TRIM3: variants seen among roughly 807,000 people sequenced by gnomAD.
The protein encoded by TRIM3 is tripartite motif-containing protein 3.
In TRIM3, 13 loss-of-function variants were observed where a neutral mutation model predicts 66.6. The observed-to-expected ratio is 0.20, with a 90% confidence interval of 0.13 to 0.31. The LOEUF (loss-of-function observed/expected upper bound fraction) is 0.31, where lower values mean the gene tolerates loss of function less well. TRIM3 is among the 10% of genes least tolerant of loss of function. The pLI, the probability that TRIM3 is intolerant of heterozygous loss-of-function variation, is 1.00. For synonymous variants in TRIM3, 406 were observed against 411.7 expected (o/e 0.99, Z 0.17); for missense variants, 711 against 1,020.4 (o/e 0.70, Z 4.13).
intron 7 of TRIM3, among the ~76,000 whole-genome samples, chr11:6,454,540 T>C (rs1469374989): frequency 2.0e-5 from 3 of 152,116 alleles, no homozygotes; most frequent in African/African-American, 7.2e-5. Flanking sequence ...CCAGGAAGCA[T>C]TCCCAGCCTA....
At chr11:6,460,792 A>G (rs1336420905) in intron 2 of TRIM3, among the ~76,000 whole-genome samples, 1 of 151,956 alleles carries the variant, frequency 6.6e-6, no homozygotes, top group African/African-American at 2.4e-5. Flanking sequence ...ATAACTTAGG[A>G]TCTTAATTAA....
intron 1 of TRIM3, chr11:6,473,013 G>A (rs768200540): frequency 4.6e-5 from 7 of 152,792 alleles, no homozygotes; most frequent in African/African-American, 1.2e-4. Flanking sequence ...CCAGTCCTGA[G>A]TTTCTGTTGT....
In TRIM3 at chr11:6,458,403, A is replaced by G; in HGVS notation, c.132-107T>C. 1 of 887,764 alleles carries G rather than the reference A, an allele frequency of 1.1e-6. No homozygotes were observed. The highest frequency in any genetic ancestry group is 1.7e-6 in the Non-Finnish European group (1 of 574,820). The allele number at this position is 887,764 out of a possible 1,614,324, so 55.0% of individuals were successfully genotyped here. On this transcript the variant is annotated intron_variant, in intron 2 of 11. Coordinates refer to ENST00000345851, the MANE Select transcript of TRIM3 (RefSeq NM_033278.4). This position sits in a 1 kb window ranked among gnomAD's most constrained non-coding sequence, Gnocchi z 6.2. The stretch of plus-strand genomic sequence containing the variant: ...CCCCTTCCCTCACAGGTGTGCCATT[A>G]CACTTCATTTTAAAACCTCTCTGCT...
In TRIM3 at chr11:6,450,802, T is replaced by C. The variant is rs899080095; in HGVS notation, c.1870+90A>G. ...AAGTGGGATCTCCAGAGCCAAGATATAGGAGGAGAGGGCCTTTACAGCTGG... is the reference window on the plus strand; with the variant it reads ...AAGTGGGATCTCCAGAGCCAAGATACAGGAGGAGAGGGCCTTTACAGCTGG... On this transcript the variant is annotated intron_variant, in intron 9 of 11. Coordinates refer to ENST00000345851, the MANE Select transcript of TRIM3 (RefSeq NM_033278.4). This position sits in a 1 kb window ranked among gnomAD's most constrained non-coding sequence, Gnocchi z 4.8. 2.7e-5 allele frequency: 42 copies of C among 1,545,184 alleles called. No homozygotes were observed. Among genetic ancestry groups the C allele is most frequent in the Middle Eastern group, 3.7e-4 (2 of 5,378 alleles).
In TRIM3 at chr11:6,456,402, C is replaced by T. The variant is rs369634962; in HGVS notation, c.1324G>A (p.Gly442Ser). 41 of 1,530,080 alleles carry T rather than the reference C, an allele frequency of 2.7e-5. No individual in the cohort carries two copies. The highest frequency in any genetic ancestry group is 3.4e-5 in the Non-Finnish European group (39 of 1,136,312). The allele number at this position is 1,530,080 out of a possible 1,614,324, so 94.8% of individuals were successfully genotyped here. Residue 442 changes from glycine (G) to serine (S), a missense_variant, in exon 6 of 12, where the codon GGC becomes AGC. Physicochemically the swap from Gly to Ser is moderately conservative, Grantham distance 56 (BLOSUM62 0). Transcript: ENST00000345851. This position sits in a 1 kb window ranked among gnomAD's most constrained non-coding sequence, Gnocchi z 6.4. The part of the protein sequence containing the change: ...KRRVKSPGGP[G>S]SHVRQKAVRR... ...ACTGCCTTCTGGCGCACATGGCTGC[C>T]GGGGCCGCCAGGGGACTTGACACGG...
intron 1 of TRIM3, among the ~76,000 whole-genome samples, chr11:6,468,906 T>C (rs1487937332): frequency 1.3e-5 from 2 of 150,916 alleles, no homozygotes; most frequent in African/African-American, 4.9e-5. Context: ...GAGTCTAGAT[T>C]TGGGGAGGGA....
chr11:6,451,685 G>A (rs1426547043), intron 7 of TRIM3: 4 of 516,782 alleles, frequency 7.7e-6, no homozygotes, highest in East Asian at 3.4e-5. Flanking sequence ...AGAAGAAGAT[G>A]TCTGAACAAA....
rs1849969512 is a variant in TRIM3, at chr11:6,456,337, T to C, written c.1389A>G (p.Arg463=). The C allele has an allele frequency of 6.5e-7, 1 of 1,542,558 alleles. No individual in the cohort carries two copies. Among genetic ancestry groups the C allele is most frequent in the Admixed American group, 1.9e-5 (1 of 52,724 alleles). ...PSSMYSTGGK[R]KDNPIEDELV... The stretch of plus-strand genomic sequence containing the variant: ...GCTCATCCTCAATTGGGTTGTCCTT[T>C]CGTTTGCCGCCTGTGCTGTACATGG... The change falls in exon 6 of 12, where the codon CGA becomes CGG. Residue 463 remains arginine, a synonymous_variant. Coordinates refer to ENST00000345851, the MANE Select transcript of TRIM3 (RefSeq NM_033278.4). The surrounding 1 kb of genome is among the most constrained non-coding windows in gnomAD (Gnocchi z 6.4).
At chr11:6,466,843 C>T (rs1850491393) in intron 1 of TRIM3, among the ~76,000 whole-genome samples, 1 of 152,198 alleles carries the variant, frequency 6.6e-6, no homozygotes, top group African/African-American at 2.4e-5. Flanking sequence ...TCCATCCTAA[C>T]TCTTATAAGC....
At chr11:6,451,667 G>A (rs751940292) in intron 7 of TRIM3, 28 of 547,440 alleles carry the variant, frequency 5.1e-5, no homozygotes, top group Non-Finnish European at 8.1e-5. Context: ...GTGAGAAAAG[G>A]CTCCAAGAGA....
At chr11:6,461,610 T>C (rs1850243705) in intron 2 of TRIM3, among the ~76,000 whole-genome samples, 1 of 151,990 alleles carries the variant, frequency 6.6e-6, no homozygotes, top group African/African-American at 2.4e-5. Context: ...CACCCACTTC[T>C]CATCAACTAT....
At chr11:6,470,953 A>AAAGAGGCT (rs1480443449) in intron 1 of TRIM3, among the ~76,000 whole-genome samples, 3 of 152,222 alleles carry the variant, frequency 2.0e-5, no homozygotes, top group Non-Finnish European at 2.9e-5. Flanking sequence ...CAGAGGTCCC[A>AAAGAGGCT]TTATTTAAGC....
At chr11:6,465,785 C>G in intron 1 of TRIM3, 53 bp from the exon 2 acceptor site, 4 of 1,493,474 alleles carry the variant, frequency 2.7e-6, no homozygotes, top group Non-Finnish European at 3.7e-6. Flanking sequence ...TCTCCCCACC[C>G]AATCCCCGCC....
At position 6,457,502 on chromosome 11, in the gene TRIM3, A is replaced by G; in HGVS notation, c.516-26T>C. On this transcript the variant is annotated intron_variant, in intron 4 of 11. Coordinates refer to ENST00000345851, the MANE Select transcript of TRIM3 (RefSeq NM_033278.4). The surrounding 1 kb of genome is among the most constrained non-coding windows in gnomAD (Gnocchi z 4.5). The stretch of plus-strand genomic sequence containing the variant: ...CTGGAGGGGGAATATCTCATTCCAG[A>G]GTTGCTGAGGGTGGCTTTGCCGAAC... 1.2e-6 allele frequency: 2 copies of G among 1,606,296 alleles called. No homozygotes were observed. Among genetic ancestry groups the G allele is most frequent in the Non-Finnish European group, 1.7e-6 (2 of 1,175,708 alleles).
At chr11:6,461,330 A>T (rs1589833292) in intron 2 of TRIM3, among the ~76,000 whole-genome samples, 2 of 152,046 alleles carry the variant, frequency 1.3e-5, no homozygotes, top group South Asian at 2.1e-4. Flanking sequence ...CAACTGGAAC[A>T]TTTCTGAACT....
intron 2 of TRIM3, among the ~76,000 whole-genome samples, chr11:6,461,308 C>G (rs1167366862): frequency 1.3e-5 from 2 of 152,074 alleles, no homozygotes; most frequent in African/African-American, 4.8e-5. Flanking sequence ...GGGCTTGAGC[C>G]CTCCCTCTTC....
At chr11:6,460,050 G>T (rs542874309) in intron 2 of TRIM3, among the ~76,000 whole-genome samples, 41 of 152,324 alleles carry the variant, frequency 2.7e-4, no homozygotes, top group African/African-American at 9.6e-4. Flanking sequence ...GAGAGGGACA[G>T]AGCACTTAGC....
At chr11:6,462,781 G>T (rs766553711) in intron 2 of TRIM3, among the ~76,000 whole-genome samples, 5 of 152,030 alleles carry the variant, frequency 3.3e-5, no homozygotes, top group Non-Finnish European at 5.9e-5. Context: ...GGATACCTGG[G>T]TGTGGTAGCC....
rs532755069 is a variant in TRIM3 at position 6,455,519 on chromosome 11, T to C, written c.1533+553A>G. Among the ~76,000 whole-genome samples the C allele has an allele frequency of 5.9e-5, 9 of 152,302 alleles. No individual in the cohort carries two copies. The South Asian group carries it at 1.9e-3, about 32-fold the overall frequency. On this transcript the variant is annotated intron_variant, in intron 7 of 11. Transcript: ENST00000345851. ...TGTTCATTCAGTGCGGTTGATGCCA[T>C]AATCAGGTGTATGAGGTTATGGGAG...
Sources: gnomAD v4.1 joint callset for allele counts (sites outside exome capture counted in the v4.1 genomes callset) on GRCh38, gnomAD v4.1.1 for gene constraint, Gnocchi (gnomAD v3.1) non-coding constraint, MANE v1.5 for transcripts, NCBI Gene and HGNC (gene_info 2026-07-23, HGNC 2026-07-21) for gene names.